IL1RAPL2: variants seen among roughly 807,000 people sequenced by gnomAD.
IL1RAPL2 encodes the protein X-linked interleukin-1 receptor accessory protein-like 2.
IL1RAPL2 carries 3 observed loss-of-function variants against 44.1 expected under a neutral mutation model. The observed-to-expected ratio is 0.07, with a 90% CI of 0.03 to 0.18. The LOEUF is 0.18. IL1RAPL2 is among the 10% of genes least tolerant of loss of function. IL1RAPL2 has a pLI of 1.00. For synonymous variants in IL1RAPL2, 181 were observed against 178.8 expected (o/e 1.01, Z -0.10); for missense variants, 391 against 496.4 (o/e 0.79, Z 2.02).
chrX:104,765,714 C>G (rs1243975664), intron 2 of IL1RAPL2, among the ~76,000 whole-genome samples: 1 of 112,081 alleles, frequency 8.9e-6, no homozygotes, highest in Non-Finnish European at 1.9e-5. Flanking sequence ...GAATTAGAGA[C>G]CATACTTTGT....
chrX:105,674,939 C>T (rs914633248), intron 6 of IL1RAPL2, among the ~76,000 whole-genome samples: 1 of 110,055 alleles, frequency 9.1e-6, no homozygotes, highest in African/African-American at 3.3e-5. Context: ...AGGGGGGGTT[C>T]CTTCATGATT....
At chrX:105,742,945 A>G (rs1644323845) in intron 8 of IL1RAPL2, among the ~76,000 whole-genome samples, 1 of 110,923 alleles carries the variant, frequency 9.0e-6, no homozygotes, top group South Asian at 3.8e-4. Context: ...AAATCTTTGG[A>G]GTCATTCTTC....
rs186434481 is a variant in IL1RAPL2, at chrX:105,305,821, T to C, written c.697+38280T>C. On this transcript the variant is annotated intron_variant, in intron 5 of 10. Coordinates refer to ENST00000372582, the MANE Select transcript of IL1RAPL2 (RefSeq NM_017416.2). ...GATACAAAATTAAATGGTGGACCTG[T>C]AAGGGACATCTGCTCGGGGCAGAGA... Among the ~76,000 whole-genome samples, 707 of 111,937 alleles carry C rather than the reference T, an allele frequency of 6.3e-3. 2 individuals carry two copies. The highest frequency in any genetic ancestry group is 0.011 in the Non-Finnish European group (570 of 53,171).
chrX:105,130,946 A>G (rs1602969182), intron 2 of IL1RAPL2, among the ~76,000 whole-genome samples: 1 of 111,286 alleles, frequency 9.0e-6, no homozygotes, highest in South Asian at 3.7e-4. Flanking sequence ...TGAAAAGAGG[A>G]AAAGCAAATG....
chrX:105,534,693 A>C (rs948626195), intron 6 of IL1RAPL2, among the ~76,000 whole-genome samples: 1 of 112,222 alleles, frequency 8.9e-6, no homozygotes, highest in African/African-American at 3.2e-5. Context: ...CTGGAAATAG[A>C]CTATATAATT....
chrX:105,288,052 G>A (rs990738209), intron 5 of IL1RAPL2, among the ~76,000 whole-genome samples: 1 of 111,295 alleles, frequency 9.0e-6, no homozygotes, highest in African/African-American at 3.3e-5. Flanking sequence ...CCTAGCAAAT[G>A]GGCAGAGTTG....
At chrX:105,547,583 TG>T (rs1401700033) in intron 6 of IL1RAPL2, among the ~76,000 whole-genome samples, 4 of 112,242 alleles carry the variant, frequency 3.6e-5, no homozygotes, top group Non-Finnish European at 5.6e-5. Context: ...CTCATGTGAC[TG>T]CAGTGATTTG....
At chrX:104,839,583 A>G (rs1381534739) in intron 2 of IL1RAPL2, among the ~76,000 whole-genome samples, 2 of 111,943 alleles carry the variant, frequency 1.8e-5, no homozygotes, top group Non-Finnish European at 3.8e-5. Flanking sequence ...TTTTGGTATC[A>G]GGATGATGCT....
At chrX:105,369,112 T>A (rs1394436034) in intron 5 of IL1RAPL2, among the ~76,000 whole-genome samples, 3 of 110,674 alleles carry the variant, frequency 2.7e-5, no homozygotes, top group East Asian at 5.7e-4. Flanking sequence ...TTTATGATGA[T>A]CCTTTTGATT....
intron 2 of IL1RAPL2, among the ~76,000 whole-genome samples, chrX:105,130,924 A>G (rs1398312182): frequency 1.8e-5 from 2 of 111,310 alleles, no homozygotes; most frequent in Non-Finnish European, 3.8e-5. Flanking sequence ...TTTGTTATAT[A>G]AATACGAAAT....
At chrX:104,859,873 A>G (rs1250764936) in intron 2 of IL1RAPL2, among the ~76,000 whole-genome samples, 1 of 111,972 alleles carries the variant, frequency 8.9e-6, no homozygotes, top group Non-Finnish European at 1.9e-5. Context: ...TGAAGTGGAC[A>G]GGCAGAATAG....
At position 104,991,467 on chromosome X, in the gene IL1RAPL2, C is replaced by G. The variant is rs1037983496; in HGVS notation, c.83-204008C>G. Among the ~76,000 whole-genome samples the G allele has an allele frequency of 3.6e-5, 4 of 111,378 alleles. No homozygotes were observed. The East Asian group carries it at 1.1e-3, about 32-fold the overall frequency. On this transcript the variant is annotated intron_variant, in intron 2 of 10. Coordinates refer to ENST00000372582, the MANE Select transcript of IL1RAPL2 (RefSeq NM_017416.2). ...GCCAGAAAGCCTTTCAAAGAATGGACAGAATGTCAGAGGTCTACCTGCCAA... is the reference window on the plus strand; with the variant it reads ...GCCAGAAAGCCTTTCAAAGAATGGAGAGAATGTCAGAGGTCTACCTGCCAA...
chrX:104,626,714 T>C (rs182531933), intron 1 of IL1RAPL2, among the ~76,000 whole-genome samples: 3 of 111,385 alleles, frequency 2.7e-5, no homozygotes, highest in Admixed American at 1.9e-4. Flanking sequence ...AGATGACATA[T>C]CAGTTTCTAC....
At chrX:104,749,273 G>A (rs1932221215) in intron 2 of IL1RAPL2, among the ~76,000 whole-genome samples, 1 of 110,889 alleles carries the variant, frequency 9.0e-6, no homozygotes, top group Non-Finnish European at 1.9e-5. Flanking sequence ...TGAATATCTG[G>A]CTGCACCTGG....
chrX:104,855,680 C>CTTTTTTTTTTTTTTTTTTT (rs1304044009), intron 2 of IL1RAPL2, among the ~76,000 whole-genome samples: 34 of 53,772 alleles, frequency 6.3e-4, no homozygotes, highest in African/African-American at 2.0e-3. Flanking sequence ...GATCTGGATC[C>CTTTTTTTTTTTTTTTTTTT]GTTTTTTTTT....
At chrX:105,536,425 T>TAAA (rs60312385) in intron 6 of IL1RAPL2, among the ~76,000 whole-genome samples, 2,131 of 92,072 alleles carry the variant, frequency 0.023, 54 homozygotes, top group African/African-American at 0.063. Flanking sequence ...TTTTATATGG[T>TAAA]AAAAAAAAAA....
chrX:105,229,932 G>A (rs1443229530), intron 3 of IL1RAPL2, among the ~76,000 whole-genome samples: 1 of 111,459 alleles, frequency 9.0e-6, no homozygotes, highest in African/African-American at 3.3e-5. Flanking sequence ...GGAGTAGCTG[G>A]GACCACAGGC....
intron 5 of IL1RAPL2, among the ~76,000 whole-genome samples, chrX:105,353,913 A>C (rs1360276069): frequency 1.8e-5 from 2 of 111,115 alleles, no homozygotes; most frequent in Non-Finnish European, 3.8e-5. Context: ...TCCTAATTGA[A>C]TACTCTTTAT....
intron 2 of IL1RAPL2, among the ~76,000 whole-genome samples, chrX:105,079,190 G>A (rs2032364086): frequency 8.9e-6 from 1 of 111,934 alleles, no homozygotes; most frequent in African/African-American, 3.2e-5. Flanking sequence ...AGAGGTTGTA[G>A]AGAAATAGGA....
Sources: allele counts gnomAD v4.1 joint callset (sites outside exome capture counted in the v4.1 genomes callset), GRCh38; gene constraint gnomAD v4.1.1; transcripts MANE v1.5; gene names NCBI Gene and HGNC (gene_info 2026-07-23, HGNC 2026-07-21).